The following PDZRN4 variants were observed in gnomAD, a reference collection of about 807,000 sequenced individuals.
PDZRN4 encodes PDZ domain containing ring finger 4.
A neutral mutation model predicts 99.0 loss-of-function variants in PDZRN4; 70 were observed. The ratio of observed to expected loss-of-function variants is 0.71; its 90% confidence interval spans 0.58 to 0.86. PDZRN4 has a LOEUF of 0.86. Among genes scored for constraint, PDZRN4 ranks in the 40% least tolerant of loss-of-function variants. PDZRN4 has a pLI of 0.00. For missense variants in PDZRN4, 1,474 were observed against 1,331.2 expected (o/e 1.11, Z -1.67); for synonymous variants, 551 against 501.6 (o/e 1.10, Z -1.32).
chr12:41,199,855 A>G (rs11831544), intron 3 of PDZRN4, among the ~76,000 whole-genome samples: 2,896 of 152,136 alleles, frequency 0.019, 93 homozygotes, highest in African/African-American at 0.065. Flanking sequence ...GATGTTGAAG[A>G]TGTGGAAGGG....
chr12:41,240,466 T>C (rs1361508227), intron 3 of PDZRN4, among the ~76,000 whole-genome samples: 1 of 152,226 alleles, frequency 6.6e-6, no homozygotes, highest in Non-Finnish European at 1.5e-5. Context: ...AGGCATTTAA[T>C]GTATACTTTG....
At position 41,188,738 on chromosome 12, in the gene PDZRN4, C is replaced by A; in HGVS notation, c.283C>A (p.His95Asn). The part of the protein sequence containing the change: ...ARGCGHSVRL[H>N]ELEAHVEHCD... ...CGGCTGCGGCCACTCGGTCAGGCTG[C>A]ACGAGCTGGAGGCGCACGTCGAGCA... Residue 95 changes from histidine to asparagine, a missense_variant, in exon 1 of 10, where the codon CAC (histidine) becomes AAC (asparagine). Transcript: ENST00000402685. 6.5e-7 allele frequency: 1 copy of A among 1,542,736 alleles called. No individual in the cohort carries two copies. Among genetic ancestry groups the A allele is most frequent in the Non-Finnish European group, 8.7e-7 (1 of 1,155,458 alleles).
chr12:41,299,481 G>C (rs1951518781), intron 3 of PDZRN4, among the ~76,000 whole-genome samples: 1 of 151,926 alleles, frequency 6.6e-6, no homozygotes, highest in Non-Finnish European at 1.5e-5. Flanking sequence ...GTTGATGCTA[G>C]CTATTTTCTT....
chr12:41,559,164 C>T (rs1939221369), intron 7 of PDZRN4, among the ~76,000 whole-genome samples: 1 of 136,112 alleles, frequency 7.3e-6, no homozygotes, highest in Admixed American at 8.0e-5. Flanking sequence ...CCAATGACAT[C>T]TCACTCACAC....
Position 41,322,742 on chromosome 12 carries a change from C to T in PDZRN4, c.843+128554C>T, listed in dbSNP as rs149199074. The stretch of plus-strand genomic sequence containing the variant: ...CGATATCCTGACCTCGTGATCCTCC[C>T]GCCTTGGCCTCCCAAAGTGCTGGGA... On this transcript the variant is annotated intron_variant, in intron 3 of 9. Transcript: ENST00000402685. Among the ~76,000 whole-genome samples, 192 of 152,062 alleles carry T rather than the reference C, an allele frequency of 1.3e-3. No homozygotes were observed. The Middle Eastern group carries it at 0.027, about 22-fold the overall frequency.
intron 3 of PDZRN4, among the ~76,000 whole-genome samples, chr12:41,379,478 T>G (rs1952107113): frequency 6.6e-6 from 1 of 151,768 alleles, no homozygotes; most frequent in Non-Finnish European, 1.5e-5. Context: ...TAGATCCTTC[T>G]GTTTTTCTTG....
chr12:41,311,665 G>A (rs7978170), intron 3 of PDZRN4, among the ~76,000 whole-genome samples: 6,097 of 152,158 alleles, frequency 0.04, 416 homozygotes, highest in African/African-American at 0.14. Context: ...TCAAACTTCA[G>A]TTGATTATAT....
At chr12:41,490,771 C>A (rs1937869710) in intron 3 of PDZRN4, among the ~76,000 whole-genome samples, 1 of 151,776 alleles carries the variant, frequency 6.6e-6, no homozygotes, top group East Asian at 1.9e-4. Context: ...ACTTTGTCAC[C>A]CAGGCTGGAA....
At chr12:41,219,903 G>A (rs951503706) in intron 3 of PDZRN4, among the ~76,000 whole-genome samples, 8 of 152,208 alleles carry the variant, frequency 5.3e-5, no homozygotes, top group East Asian at 1.9e-4. Flanking sequence ...AAATTTTGGC[G>A]ACTCTTCTGT....
chr12:41,311,785 T>A (rs932603279), intron 3 of PDZRN4, among the ~76,000 whole-genome samples: 2 of 152,200 alleles, frequency 1.3e-5, no homozygotes, highest in Admixed American at 1.3e-4. Flanking sequence ...ATGTGTGCAT[T>A]TGACAGAGAC....
At chr12:41,485,345 A>C (rs772386562) in intron 3 of PDZRN4, among the ~76,000 whole-genome samples, 8 of 152,152 alleles carry the variant, frequency 5.3e-5, no homozygotes, top group Non-Finnish European at 1.2e-4. Context: ...ACCTATCCTG[A>C]GATGACTAGA....
At chr12:41,452,937 GAAC>G (rs1299602584) in intron 3 of PDZRN4, among the ~76,000 whole-genome samples, 1 of 151,938 alleles carries the variant, frequency 6.6e-6, no homozygotes, top group Non-Finnish European at 1.5e-5. Flanking sequence ...GTTGTCCCAG[GAAC>G]AACACCTGGG....
chr12:41,389,210 A>T (rs1952192828), intron 3 of PDZRN4, among the ~76,000 whole-genome samples: 1 of 152,218 alleles, frequency 6.6e-6, no homozygotes, highest in South Asian at 2.1e-4. Flanking sequence ...CCATGATAAG[A>T]TATAAAAAAT....
intron 3 of PDZRN4, among the ~76,000 whole-genome samples, chr12:41,310,002 A>G (rs746881581): frequency 2.0e-4 from 31 of 151,762 alleles, no homozygotes; most frequent in Non-Finnish European, 4.0e-4. Context: ...GTGTGATCTC[A>G]GCTCACTGCA....
chr12:41,237,707 C>T (rs1005820312), intron 3 of PDZRN4, among the ~76,000 whole-genome samples: 9 of 152,276 alleles, frequency 5.9e-5, no homozygotes, highest in African/African-American at 2.2e-4. Context: ...TCTCCCAGCA[C>T]CATTAATTAA....
chr12:41,270,132 A>G (rs540401603), intron 3 of PDZRN4, among the ~76,000 whole-genome samples: 17 of 152,094 alleles, frequency 1.1e-4, no homozygotes, highest in African/African-American at 3.9e-4. Flanking sequence ...TCAGTTACTC[A>G]TTTCTAAAGC....
chr12:41,543,342 T>TGAGA (rs1289766381), intron 5 of PDZRN4, among the ~76,000 whole-genome samples: 1 of 151,458 alleles, frequency 6.6e-6, no homozygotes, highest in African/African-American at 2.4e-5. Flanking sequence ...TGTGTGTGTG[T>TGAGA]GAGAGAGAGA....
intron 3 of PDZRN4, among the ~76,000 whole-genome samples, chr12:41,428,701 C>A (rs1470085719): frequency 1.3e-5 from 2 of 152,126 alleles, no homozygotes; most frequent in Non-Finnish European, 2.9e-5. Flanking sequence ...GAATCAGGGG[C>A]AAGATGGGCT....
intron 3 of PDZRN4, among the ~76,000 whole-genome samples, chr12:41,479,396 T>C (rs1937639284): frequency 6.6e-6 from 1 of 152,230 alleles, no homozygotes; most frequent in Admixed American, 6.5e-5. Context: ...GTTCCATTAT[T>C]ACTTCAAAAT....
Sources: gnomAD v4.1 joint callset for allele counts (sites outside exome capture counted in the v4.1 genomes callset) on GRCh38, gnomAD v4.1.1 for gene constraint, MANE v1.5 for transcripts, NCBI Gene and HGNC (gene_info 2026-07-23, HGNC 2026-07-21) for gene names.